BICC1: variants seen among roughly 807,000 people sequenced by gnomAD.
BICC1 encodes the protein protein bicaudal C homolog 1.
Under a neutral mutation model 111.0 loss-of-function variants are expected in BICC1, and 43 were observed. The observed-to-expected ratio is 0.39, with a 90% CI of 0.30 to 0.50. The LOEUF is 0.50. Among genes scored for constraint, BICC1 ranks in the 20% least tolerant of loss-of-function variants. The pLI is 0.88. For synonymous variants in BICC1, 467 were observed against 434.4 expected (o/e 1.07, Z -0.93); for missense variants, 1,091 against 1,203.2 (o/e 0.91, Z 1.38).
At position 58,772,505 on chromosome 10, in the gene BICC1, A is replaced by G. The variant is rs193143904; in HGVS notation, c.308-12496A>G. Among the ~76,000 whole-genome samples, 349 of 152,340 alleles carry G rather than the reference A, an allele frequency of 2.3e-3. 2 individuals carry two copies. Among genetic ancestry groups the G allele is most frequent in the African/African-American group, 7.9e-3 (328 of 41,574 alleles). On this transcript the variant is annotated intron_variant, in intron 3 of 20. Coordinates refer to ENST00000373886, the MANE Select transcript of BICC1 (RefSeq NM_001080512.3). ...TATAATTGTTGAAAATTTCTGAACC[A>G]AAGATAAATACCAGCTTGTAGTAAT... is the stretch of plus-strand genomic sequence containing the variant.
intron 20 of BICC1, among the ~76,000 whole-genome samples, chr10:58,828,310 T>C (rs1378323325): frequency 6.6e-6 from 1 of 152,224 alleles, no homozygotes; most frequent in East Asian, 1.9e-4. Context: ...ATTGCCATGT[T>C]TGACATGAAT....
chr10:58,748,636 A>G (rs554471073), intron 3 of BICC1, among the ~76,000 whole-genome samples: 208 of 152,250 alleles, frequency 1.4e-3, no homozygotes, highest in African/African-American at 4.6e-3. Context: ...TCTTAGCCCT[A>G]GTTTAGTCTC....
chr10:58,575,794 A>G (rs192552208), intron 1 of BICC1, among the ~76,000 whole-genome samples: 252 of 152,258 alleles, frequency 1.7e-3, no homozygotes, highest in Non-Finnish European at 2.9e-3. Flanking sequence ...ATGTATTACC[A>G]TAAATTGTAT....
chr10:58,755,877 A>G (rs895436508), intron 3 of BICC1, among the ~76,000 whole-genome samples: 2 of 152,066 alleles, frequency 1.3e-5, no homozygotes, highest in African/African-American at 4.8e-5. Context: ...GACATTTTCC[A>G]CTACTTAGTG....
intron 2 of BICC1, among the ~76,000 whole-genome samples, chr10:58,635,722 A>G (rs1443495041): frequency 6.6e-6 from 1 of 152,142 alleles, no homozygotes; most frequent in Non-Finnish European, 1.5e-5. Context: ...TTTGTTTCCC[A>G]TTGCCCCTCA....
intron 3 of BICC1, among the ~76,000 whole-genome samples, chr10:58,736,888 G>A (rs547394569): frequency 1.3e-4 from 20 of 151,998 alleles, no homozygotes; most frequent in African/African-American, 3.9e-4. Context: ...GATGAGAAAC[G>A]TTGATTTGAT....
intron 2 of BICC1, among the ~76,000 whole-genome samples, chr10:58,690,324 G>A (rs757252756): frequency 7.9e-5 from 12 of 152,210 alleles, no homozygotes; most frequent in Non-Finnish European, 1.6e-4. Flanking sequence ...GGCCATGGCA[G>A]TAAAAGATCC....
At chr10:58,665,124 G>C (rs1379926757) in intron 2 of BICC1, among the ~76,000 whole-genome samples, 1 of 152,150 alleles carries the variant, frequency 6.6e-6, no homozygotes, top group East Asian at 1.9e-4. Flanking sequence ...GTTCATGGAA[G>C]GGTAAGTGGG....
chr10:58,686,156 TG>T (rs1839717652), intron 2 of BICC1, among the ~76,000 whole-genome samples: 1 of 152,232 alleles, frequency 6.6e-6, no homozygotes, highest in African/African-American at 2.4e-5. Context: ...AATTCTGGGT[TG>T]AAAATTCTTT....
At chr10:58,518,374 AC>A (rs1274771942) in intron 1 of BICC1, among the ~76,000 whole-genome samples, 1 of 152,026 alleles carries the variant, frequency 6.6e-6, no homozygotes, top group Non-Finnish European at 1.5e-5. Context: ...TAATAGTCCT[AC>A]TTTACGGTGA....
intron 2 of BICC1, among the ~76,000 whole-genome samples, chr10:58,680,156 G>A (rs1839472364): frequency 6.6e-6 from 1 of 151,172 alleles, no homozygotes; most frequent in Non-Finnish European, 1.5e-5. Context: ...CCATTCCTGT[G>A]TATTGGAAGT....
intron 1 of BICC1, among the ~76,000 whole-genome samples, chr10:58,519,623 T>A (rs947177418): frequency 1.3e-4 from 20 of 150,104 alleles, no homozygotes; most frequent in African/African-American, 4.8e-4. Context: ...TAAATTATAA[T>A]TTTTTTTCAT....
chr10:58,732,216 G>T (rs1004429473), intron 3 of BICC1, among the ~76,000 whole-genome samples: 3 of 149,664 alleles, frequency 2.0e-5, no homozygotes, highest in Admixed American at 1.3e-4. Context: ...TTTTAGTATT[G>T]TTCTTTCTTA....
chr10:58,783,604 A>G (rs1842936425), intron 3 of BICC1, among the ~76,000 whole-genome samples: 1 of 63,274 alleles, frequency 1.6e-5, no homozygotes, highest in South Asian at 7.5e-4. Context: ...AACTGGTGGT[A>G]AATTGTGAAA....
At chr10:58,643,729 G>C (rs966309944) in intron 2 of BICC1, among the ~76,000 whole-genome samples, 1 of 152,190 alleles carries the variant, frequency 6.6e-6, no homozygotes, top group African/African-American at 2.4e-5. Flanking sequence ...AACAGGATCT[G>C]AGCTTCCTCC....
At position 58,718,100 on chromosome 10, in the gene BICC1, A is replaced by G. The variant is rs143304766; in HGVS notation, c.307+15957A>G. Among the ~76,000 whole-genome samples the G allele has an allele frequency of 2.2e-3, 334 of 152,182 alleles. 2 individuals carry two copies. Among genetic ancestry groups the G allele is most frequent in the African/African-American group, 7.5e-3 (313 of 41,526 alleles). Reference sequence around the variant, plus strand: ...GTTGGTTTATTCATATTCTTTCCCTATGTTAGTGAGTTGTTGTCTTAGTTC... The same window carrying G: ...GTTGGTTTATTCATATTCTTTCCCTGTGTTAGTGAGTTGTTGTCTTAGTTC... On this transcript the variant is annotated intron_variant, in intron 3 of 20. Transcript: ENST00000373886.
chr10:58,708,152 T>G (rs1309310844), intron 3 of BICC1, among the ~76,000 whole-genome samples: 1 of 138,738 alleles, frequency 7.2e-6, no homozygotes, highest in Non-Finnish European at 1.5e-5. Context: ...CCAGCCAATT[T>G]TTTTTTTTTT....
chr10:58,792,749 G>A lies in BICC1; in HGVS notation c.1048-735G>A, dbSNP rs572369469. Among the ~76,000 whole-genome samples the A allele has an allele frequency of 3.3e-5, 5 of 152,266 alleles. No homozygotes were observed. In the South Asian group the frequency reaches 8.3e-4, roughly 25 times the overall value. ...TCCCACTGATTTTACATTATGGTGAGTTGTATAATTATTTAATTATATATT... is the reference window on the plus strand; with the variant it reads ...TCCCACTGATTTTACATTATGGTGAATTGTATAATTATTTAATTATATATT... On this transcript the variant is annotated intron_variant, in intron 8 of 20. Transcript: ENST00000373886.
intron 1 of BICC1, among the ~76,000 whole-genome samples, chr10:58,513,549 C>T (rs1225013166): frequency 6.6e-6 from 1 of 152,192 alleles, no homozygotes; most frequent in East Asian, 1.9e-4. Context: ...CGCTGGGGGC[C>T]CTGTGCGAAC....
Sources: gnomAD v4.1 joint callset for allele counts (sites outside exome capture counted in the v4.1 genomes callset) on GRCh38, gnomAD v4.1.1 for gene constraint, MANE v1.5 for transcripts, NCBI Gene and HGNC (gene_info 2026-07-23, HGNC 2026-07-21) for gene names.